The following CDIN1 variants were observed in gnomAD, a reference collection of about 807,000 sequenced individuals.
The protein encoded by CDIN1 is CDAN1-interacting nuclease 1.
CDIN1 carries 33 observed loss-of-function variants against 45.3 expected under a neutral mutation model. The ratio of observed to expected loss-of-function variants is 0.73; its 90% CI spans 0.55 to 0.97. The LOEUF is 0.97. Among genes scored for constraint, CDIN1 ranks in the 50% least tolerant of loss-of-function variants. CDIN1 has a pLI of 0.00. For missense variants in CDIN1, 303 were observed against 339.4 expected, an observed-to-expected ratio of 0.89 and a Z score of 0.84; for synonymous variants, 118 against 124.4, an observed-to-expected ratio of 0.95 and a Z score of 0.34.
At chr15:36,742,528 A>G (rs74519903) in intron 10 of CDIN1, among the ~76,000 whole-genome samples, 5,546 of 152,240 alleles carry the variant, frequency 0.036, 352 homozygotes, top group African/African-American at 0.13. Context: ...TGTAAAATAA[A>G]CTTTTTCAGG....
chr15:36,638,107 T>C (rs1173757205), intron 1 of CDIN1, among the ~76,000 whole-genome samples: 4 of 152,198 alleles, frequency 2.6e-5, no homozygotes, highest in African/African-American at 9.6e-5. Context: ...CCAATAAAAA[T>C]AATTTTTAAA....
chr15:36,618,777 A>G, intron 1 of CDIN1: 1 of 776,682 alleles, frequency 1.3e-6, no homozygotes, highest in Non-Finnish European at 2.3e-6. Flanking sequence ...AAAAAAAAAA[A>G]AAAGGATCTA....
At chr15:36,648,219 T>C (rs543250007) in intron 3 of CDIN1, among the ~76,000 whole-genome samples, 290 of 152,258 alleles carry the variant, frequency 1.9e-3, no homozygotes, top group African/African-American at 5.9e-3. Context: ...CATTTTAGTC[T>C]TTTGTCAGCC....
intron 4 of CDIN1, among the ~76,000 whole-genome samples, chr15:36,654,897 C>T (rs371656725): frequency 6.6e-6 from 1 of 152,142 alleles, no homozygotes; most frequent in Non-Finnish European, 1.5e-5. Context: ...GTAATAAGAG[C>T]AATACAATAT....
intron 10 of CDIN1, among the ~76,000 whole-genome samples, chr15:36,774,298 A>T (rs2054163930): frequency 6.6e-6 from 1 of 152,152 alleles, no homozygotes; most frequent in Non-Finnish European, 1.5e-5. Flanking sequence ...AAATTCATCT[A>T]AACAAAATAA....
rs900336763 is a variant in CDIN1 at position 36,712,359 on chromosome 15, G to A, written c.716+2398G>A. On this transcript the variant is annotated intron_variant, in intron 10 of 10. Transcript: ENST00000566621. ...CGGCTCACTGAAACCTCCACCTCCC[G>A]GGTTCAAGTGATTCTCCTGCCTCAG... Among the ~76,000 whole-genome samples the A allele has an allele frequency of 1.2e-4, 16 of 130,820 alleles. No homozygotes were observed. The East Asian group carries it at 2.9e-3, about 23-fold the overall frequency. 85.8% of individuals were successfully genotyped at this position (130,820 alleles called of 152,430 possible).
At chr15:36,671,465 A>T (rs927917463) in intron 5 of CDIN1, among the ~76,000 whole-genome samples, 3 of 151,988 alleles carry the variant, frequency 2.0e-5, no homozygotes, top group Non-Finnish European at 4.4e-5. Context: ...AATCATTCTG[A>T]CATATTGTGT....
intron 1 of CDIN1, among the ~76,000 whole-genome samples, chr15:36,636,176 A>G (rs1440538914): frequency 6.6e-6 from 1 of 152,216 alleles, no homozygotes; most frequent in African/African-American, 2.4e-5. Context: ...AGATAGAGGA[A>G]TGAGACAGAT....
At chr15:36,801,577 T>A (rs947463604) in intron 10 of CDIN1, among the ~76,000 whole-genome samples, 1 of 152,186 alleles carries the variant, frequency 6.6e-6, no homozygotes, top group East Asian at 1.9e-4. Flanking sequence ...GTTTTCCTCA[T>A]AACTTATTCC....
chr15:36,645,619 G>A (rs565953133), intron 3 of CDIN1, among the ~76,000 whole-genome samples: 1 of 151,358 alleles, frequency 6.6e-6, no homozygotes, highest in South Asian at 2.1e-4. Context: ...CTGTCTAAAT[G>A]CATATGCTCA....
intron 5 of CDIN1, among the ~76,000 whole-genome samples, chr15:36,661,972 A>G (rs1218737291): frequency 6.6e-6 from 1 of 152,194 alleles, no homozygotes; most frequent in Non-Finnish European, 1.5e-5. Context: ...ACTATTATTA[A>G]TAGGGAGGTT....
chr15:36,651,601 AT>A (rs2140439918), intron 3 of CDIN1, among the ~76,000 whole-genome samples: 1 of 152,262 alleles, frequency 6.6e-6, no homozygotes, highest in Admixed American at 6.5e-5. Flanking sequence ...TGGGAAACAG[AT>A]TGGAAAACAA....
chr15:36,621,609 A>G (rs2039195435), intron 1 of CDIN1, among the ~76,000 whole-genome samples: 1 of 152,220 alleles, frequency 6.6e-6, no homozygotes, highest in African/African-American at 2.4e-5. Context: ...GACTACATCT[A>G]TGATAAAAGT....
intron 3 of CDIN1, among the ~76,000 whole-genome samples, chr15:36,650,750 A>G (rs2040542834): frequency 6.6e-6 from 1 of 152,032 alleles, no homozygotes; most frequent in African/African-American, 2.4e-5. Flanking sequence ...GCCAGAAAAC[A>G]TTTTCTACTA....
chr15:36,685,925 G>C (rs2042025568), intron 5 of CDIN1, among the ~76,000 whole-genome samples: 2 of 152,014 alleles, frequency 1.3e-5, no homozygotes, highest in Admixed American at 1.3e-4. Flanking sequence ...TGCTGGAGAT[G>C]ATGTGGAGAA....
chr15:36,602,036 CT>C (rs2038133235), intron 1 of CDIN1, among the ~76,000 whole-genome samples: 1 of 152,158 alleles, frequency 6.6e-6, no homozygotes, highest in African/African-American at 2.4e-5. Flanking sequence ...CATGAAAAAT[CT>C]TGTTAGGGTG....
At chr15:36,646,325 TA>T (rs991890350) in intron 3 of CDIN1, among the ~76,000 whole-genome samples, 7 of 152,108 alleles carry the variant, frequency 4.6e-5, no homozygotes, top group Non-Finnish European at 8.8e-5. Context: ...TTAGATTTTT[TA>T]AAAAAAATTA....
chr15:36,716,020 C>G (rs980279920), intron 10 of CDIN1, among the ~76,000 whole-genome samples: 2 of 152,124 alleles, frequency 1.3e-5, no homozygotes, highest in Admixed American at 1.3e-4. Flanking sequence ...GAAATGTTAT[C>G]TTAGGCCTTT....
chr15:36,688,033 A>G (rs2042121283), intron 5 of CDIN1, among the ~76,000 whole-genome samples: 1 of 152,176 alleles, frequency 6.6e-6, no homozygotes, highest in South Asian at 2.1e-4. Flanking sequence ...GAAAAATTAT[A>G]GCCTTGAAAA....
Sources: gnomAD v4.1 joint callset for allele counts (sites outside exome capture counted in the v4.1 genomes callset) on GRCh38, gnomAD v4.1.1 for gene constraint, MANE v1.5 for transcripts, NCBI Gene and HGNC (gene_info 2026-07-23, HGNC 2026-07-21) for gene names.